TMEM63B: variants seen among roughly 807,000 people sequenced by gnomAD.
TMEM63B encodes the protein transmembrane protein 63B.
Under a neutral mutation model 102.6 loss-of-function variants are expected in TMEM63B, and 23 were observed. That is an observed-to-expected ratio of 0.22 (90% CI 0.16 to 0.32). TMEM63B has a LOEUF of 0.32. Ranked by LOEUF, TMEM63B falls within the 10% of genes least tolerant of loss-of-function variation. The probability of loss-of-function intolerance (pLI) is 1.00; values close to 1 mark genes in which losing one functional copy is unlikely to be tolerated. For synonymous variants in TMEM63B, 444 were observed against 437.0 expected (o/e 1.02, Z -0.20); for missense variants, 628 against 1,095.9 (o/e 0.57, Z 6.03).
chr6:44,148,926 A>G lies in TMEM63B; in HGVS notation c.1394A>G (p.Lys465Arg). The G allele has an allele frequency of 6.2e-7, 1 of 1,614,030 alleles. No individual in the cohort carries two copies. Among genetic ancestry groups the G allele is most frequent in the Middle Eastern group, 1.6e-4 (1 of 6,062 alleles). The change falls in exon 15 of 24, where the codon AAG (lysine) becomes AGG (arginine). Residue 465 changes from lysine (K) to arginine (R), a missense_variant. Physicochemically the swap from Lys to Arg is conservative, Grantham distance 26. This residue lies in a region of TMEM63B where 61 missense variants were observed against 176.0 expected (regional missense o/e 0.35). Transcript: ENST00000323267. This position sits in a 1 kb window ranked among gnomAD's most constrained non-coding sequence, Gnocchi z 5.1. Reference protein sequence around the residue: ...ITTMDKFNVTKPVEYLNNPII... With the variant: ...ITTMDKFNVTRPVEYLNNPII... ...ACCATGGACAAGTTCAACGTCACCA[A>G]GCCTGTGGAGTACCTCAACGTGAGG...
chr6:44,130,952 C>G (rs1778151162), intron 1 of TMEM63B, among the ~76,000 whole-genome samples: 2 of 151,808 alleles, frequency 1.3e-5, no homozygotes, highest in Admixed American at 6.6e-5. Flanking sequence ...GAGTCTCACT[C>G]TGTCGCCCAG....
At chr6:44,140,033 G>A (rs910573319) in intron 8 of TMEM63B, among the ~76,000 whole-genome samples, 3 of 152,208 alleles carry the variant, frequency 2.0e-5, no homozygotes, top group South Asian at 2.1e-4. Context: ...GTAGGGCGTA[G>A]AAAGGTGACC....
Position 44,138,071 on chromosome 6 carries a change from AAT to A in TMEM63B, c.370-407_370-406del, listed in dbSNP as rs1763360885. ...TCCTTCTGGGGTAGACTAGAGGATA[AAT>A]AGCTGGAATTCAGGCAGCAAGGCCC... On this transcript the variant is annotated intron_variant, in intron 5 of 23. Coordinates refer to ENST00000323267, the MANE Select transcript of TMEM63B (RefSeq NM_018426.3). Among the ~76,000 whole-genome samples, 10 of 152,242 alleles carry A rather than the reference AAT, an allele frequency of 6.6e-5. No individual in the cohort carries two copies. In the South Asian group the frequency reaches 2.1e-3, roughly 32 times the overall value.
intron 10 of TMEM63B, among the ~76,000 whole-genome samples, chr6:44,141,474 C>A (rs973223564): frequency 6.6e-6 from 1 of 152,160 alleles, no homozygotes; most frequent in Non-Finnish European, 1.5e-5. Flanking sequence ...TCCTTGGTTT[C>A]CAGTGGATTC....
chr6:44,152,811 G>A lies in TMEM63B; in HGVS notation c.1942+113G>A, dbSNP rs1340786851. 11 of 838,846 alleles carry A rather than the reference G, an allele frequency of 1.3e-5. No homozygotes were observed. Among genetic ancestry groups the A allele is most frequent in the South Asian group, 3.2e-5 (2 of 63,474 alleles). 52.0% of individuals were successfully genotyped at this position (838,846 alleles called of 1,614,324 possible). A position where few individuals can be genotyped will look rare whatever the true frequency, so the allele number is the denominator to read the frequency against. ...GTGGACAGGGCCCGGCTGGGAGACC[G>A]GCCCCTCGGGGCTCCCGCCCGGTCC... On this transcript the variant is annotated intron_variant, in intron 20 of 23. Coordinates refer to ENST00000323267, the MANE Select transcript of TMEM63B (RefSeq NM_018426.3). The surrounding 1 kb of genome is among the most constrained non-coding windows in gnomAD (Gnocchi z 6.4).
chr6:44,154,329 T>C, intron 22 of TMEM63B, 36 bp from the exon 23 acceptor site: 1 of 1,611,628 alleles, frequency 6.2e-7, no homozygotes, highest in Non-Finnish European at 8.5e-7. Flanking sequence ...GCTGAGGACA[T>C]GCCCCCACTT....
chr6:44,150,200 C>G lies in TMEM63B; in HGVS notation c.1521-24C>G. 1 of 1,606,346 alleles carries G rather than the reference C, an allele frequency of 6.2e-7. No individual in the cohort carries two copies. The highest frequency in any genetic ancestry group is 8.5e-7 in the Non-Finnish European group (1 of 1,174,070). On this transcript the variant is annotated intron_variant, in intron 16 of 23. Coordinates refer to ENST00000323267, the MANE Select transcript of TMEM63B (RefSeq NM_018426.3). The surrounding 1 kb of genome is among the most constrained non-coding windows in gnomAD (Gnocchi z 4.7). ...GGGCCTGGGCTCACTTGACCTGTACCGTTCCCTGCTCCCCTCCCTCCAGCT... is the reference window on the plus strand; with the variant it reads ...GGGCCTGGGCTCACTTGACCTGTACGGTTCCCTGCTCCCCTCCCTCCAGCT...
intron 4 of TMEM63B, among the ~76,000 whole-genome samples, chr6:44,135,753 C>T (rs1236035393): frequency 6.6e-6 from 1 of 152,206 alleles, no homozygotes; most frequent in Non-Finnish European, 1.5e-5. Context: ...TCCAGGGTTC[C>T]CTGCTCACCT....
At chr6:44,132,315 C>G in intron 1 of TMEM63B, 2 of 985,428 alleles carry the variant, frequency 2.0e-6, no homozygotes, top group Non-Finnish European at 2.4e-6. Context: ...AACCATCTAG[C>G]TAGATCCTGT....
rs1286294851 is a variant in TMEM63B at position 44,135,371 on chromosome 6, G to T, written c.278+5G>T. 1 of 1,610,128 alleles carries T rather than the reference G, an allele frequency of 6.2e-7. No individual in the cohort carries two copies. The highest frequency in any genetic ancestry group is 1.7e-5 in the Admixed American group (1 of 59,820). On this transcript the variant is annotated splice_donor_5th_base_variant and intron_variant, in intron 4 of 23. Coordinates refer to ENST00000323267, the MANE Select transcript of TMEM63B (RefSeq NM_018426.3). ...GGACCGAGTGGAACAGGAATAGTATGTGGGGCACCAGCCCCCTCATTCCCA... is the reference window on the plus strand; with the variant it reads ...GGACCGAGTGGAACAGGAATAGTATTTGGGGCACCAGCCCCCTCATTCCCA...
At chr6:44,137,944 C>T (rs1344398790) in intron 5 of TMEM63B, among the ~76,000 whole-genome samples, 4 of 152,150 alleles carry the variant, frequency 2.6e-5, no homozygotes, top group African/African-American at 9.7e-5. Context: ...AGTTGATCCG[C>T]CCGCCTTGGC....
chr6:44,129,843 A>G (rs1054238262), intron 1 of TMEM63B, among the ~76,000 whole-genome samples: 1 of 152,354 alleles, frequency 6.6e-6, no homozygotes, highest in African/African-American at 2.4e-5. Flanking sequence ...AGAGCTTTAC[A>G]TAAGTCATCT....
Position 44,148,750 on chromosome 6 carries a change from C to T in TMEM63B, c.1260-42C>T. On this transcript the variant is annotated intron_variant, in intron 14 of 23. Coordinates refer to ENST00000323267, the MANE Select transcript of TMEM63B (RefSeq NM_018426.3). This position sits in a 1 kb window ranked among gnomAD's most constrained non-coding sequence, Gnocchi z 5.1. ...GTCTTGGTGTCACTGGGGGCCAATC[C>T]TGCCCTTGGTTCCTGGACTGACCGG... 1 of 1,612,418 alleles carries T rather than the reference C, an allele frequency of 6.2e-7. No individual in the cohort carries two copies. Among genetic ancestry groups the T allele is most frequent in the Non-Finnish European group, 8.5e-7 (1 of 1,178,626 alleles).
At chr6:44,133,374 C>G (rs1267175648) in intron 1 of TMEM63B, among the ~76,000 whole-genome samples, 1 of 152,190 alleles carries the variant, frequency 6.6e-6, no homozygotes, top group Non-Finnish European at 1.5e-5. Context: ...CCCGAAGTTG[C>G]AGTCACTGTT....
In TMEM63B at chr6:44,148,648, C is replaced by T; in HGVS notation, c.1257C>T (p.Tyr419=). 6.2e-7 allele frequency: 1 copy of T among 1,613,894 alleles called. No homozygotes were observed. The highest frequency in any genetic ancestry group is 8.5e-7 in the Non-Finnish European group (1 of 1,179,824). Residue 419 remains tyrosine (Y), a splice_region_variant and synonymous_variant, in exon 14 of 24, where the codon TAC becomes TAT. Transcript: ENST00000323267. The surrounding 1 kb of genome is among the most constrained non-coding windows in gnomAD (Gnocchi z 5.1). ...ATGCCCCTGACCCTCAGAACATCTACTGGTGAGCAAACAGGTGTCAGGGCA... is the reference window on the plus strand; with the variant it reads ...ATGCCCCTGACCCTCAGAACATCTATTGGTGAGCAAACAGGTGTCAGGGCA... The part of the protein sequence containing the change: ...VSYAPDPQNI[Y]WEHLSIRGFI...
In TMEM63B at chr6:44,149,974, C is replaced by A; in HGVS notation, c.1520+9C>A. 1 of 1,609,846 alleles carries A rather than the reference C, an allele frequency of 6.2e-7. No individual in the cohort carries two copies. The highest frequency in any genetic ancestry group is 8.5e-7 in the Non-Finnish European group (1 of 1,177,304). ...GAAGCCCACTGGACACGGTAAGGTG[C>A]CTCCACTCACACCACACCTCGCTGT... On this transcript the variant is annotated intron_variant, in intron 16 of 23. Coordinates refer to ENST00000323267, the MANE Select transcript of TMEM63B (RefSeq NM_018426.3).
At chr6:44,137,550 G>A (rs545967158) in intron 5 of TMEM63B, among the ~76,000 whole-genome samples, 18 of 152,274 alleles carry the variant, frequency 1.2e-4, no homozygotes, top group African/African-American at 3.9e-4. Flanking sequence ...AATCACGGCC[G>A]AAAGGCACCT....
At chr6:44,131,532 A>G (rs1272669780) in intron 1 of TMEM63B, among the ~76,000 whole-genome samples, 1 of 152,106 alleles carries the variant, frequency 6.6e-6, no homozygotes, top group Non-Finnish European at 1.5e-5. Flanking sequence ...CATCCTGGCC[A>G]ACATGGTGAA....
At chr6:44,154,010 C>T in intron 21 of TMEM63B, 63 bp from the exon 22 acceptor site, 1 of 1,578,360 alleles carries the variant, frequency 6.3e-7, no homozygotes, top group East Asian at 2.2e-5. Context: ...CAGAGGGTAT[C>T]AGAAGCTGGG....
Sources: gnomAD v4.1 joint callset for allele counts (sites outside exome capture counted in the v4.1 genomes callset) on GRCh38, gnomAD v4.1.1 for gene constraint, gnomAD v4.1.1 regional missense constraint, Gnocchi (gnomAD v3.1) non-coding constraint, MANE v1.5 for transcripts, NCBI Gene and HGNC (gene_info 2026-07-23, HGNC 2026-07-21) for gene names.